Variants in LCOR observed in about 807,000 individuals in gnomAD.
The protein encoded by LCOR is ligand dependent nuclear receptor corepressor, also known as ligand-dependent corepressor.
In LCOR, 14 loss-of-function variants were observed where a neutral mutation model predicts 64.4. The ratio of observed to expected loss-of-function variants is 0.22; its 90% CI spans 0.14 to 0.34. LCOR has a LOEUF of 0.34. Among genes scored for constraint, LCOR ranks in the 10% least tolerant of loss-of-function variants. The pLI is 1.00. For synonymous variants in LCOR, 643 were observed against 642.5 expected (o/e 1.00, Z -0.01); for missense variants, 1,686 against 1,765.3 (o/e 0.96, Z 0.80).
At chr10:96,911,257 C>G (rs543023974) in intron 4 of LCOR, among the ~76,000 whole-genome samples, 1 of 151,934 alleles carries the variant, frequency 6.6e-6, no homozygotes, top group Non-Finnish European at 1.5e-5. Context: ...ACCAACACGC[C>G]CAGCTAAGTT....
intron 4 of LCOR, among the ~76,000 whole-genome samples, chr10:96,926,347 A>G (rs1359747931): frequency 1.3e-5 from 2 of 152,218 alleles, no homozygotes; most frequent in Non-Finnish European, 2.9e-5. Flanking sequence ...TAAAATACAT[A>G]GGTTTTCAAC....
chr10:96,853,935 C>A (rs893846828), intron 2 of LCOR, among the ~76,000 whole-genome samples: 3 of 152,058 alleles, frequency 2.0e-5, no homozygotes, highest in Non-Finnish European at 4.4e-5. Flanking sequence ...TTATAAGACT[C>A]CCCCATTATT....
At chr10:96,925,036 ATTTATTTATTTATTTAT>A (rs1847143549) in intron 4 of LCOR, among the ~76,000 whole-genome samples, 1 of 151,446 alleles carries the variant, frequency 6.6e-6, no homozygotes, top group Non-Finnish European at 1.5e-5. Flanking sequence ...TTCCTCAACC[ATTTATTTATTTATTTAT>A]TTTATTTATT....
intron 4 of LCOR, among the ~76,000 whole-genome samples, chr10:96,932,172 T>C (rs1354757605): frequency 2.0e-5 from 3 of 152,202 alleles, no homozygotes; most frequent in Admixed American, 6.5e-5. Flanking sequence ...TTTAAAAATA[T>C]GCCACTGACG....
chr10:96,896,988 G>A (rs1846548019), intron 2 of LCOR, among the ~76,000 whole-genome samples: 1 of 150,622 alleles, frequency 6.6e-6, no homozygotes, highest in Non-Finnish European at 1.5e-5. Flanking sequence ...TTTACCTAAA[G>A]TGAAGGAAAT....
chr10:96,944,757 C>T (rs1847557688), intron 5 of LCOR, among the ~76,000 whole-genome samples: 1 of 151,818 alleles, frequency 6.6e-6, no homozygotes, highest in Non-Finnish European at 1.5e-5. Context: ...TAAAACTTTT[C>T]CCCCTGCATT....
At chr10:96,859,333 C>T (rs1309403793) in intron 2 of LCOR, among the ~76,000 whole-genome samples, 2 of 151,962 alleles carry the variant, frequency 1.3e-5, no homozygotes, top group Non-Finnish European at 2.9e-5. Flanking sequence ...CCTCAGCCTC[C>T]CAAGTAGCTG....
At chr10:96,857,782 G>A (rs1845829622) in intron 2 of LCOR, among the ~76,000 whole-genome samples, 2 of 152,172 alleles carry the variant, frequency 1.3e-5, no homozygotes, top group African/African-American at 4.8e-5. Flanking sequence ...TGGACACACT[G>A]AAGTTTGGAA....
chr10:96,917,028 A>G (rs1846963678), intron 4 of LCOR, among the ~76,000 whole-genome samples: 1 of 152,224 alleles, frequency 6.6e-6, no homozygotes, highest in African/African-American at 2.4e-5. Context: ...ACCTTGTTAA[A>G]TTTCCAGAGA....
intron 2 of LCOR, among the ~76,000 whole-genome samples, chr10:96,849,061 C>CTTTTTTTTTT (rs67974828): frequency 3.0e-5 from 1 of 33,838 alleles, no homozygotes; most frequent in Non-Finnish European, 5.4e-5. Context: ...GGCTAATTGT[C>CTTTTTTTTTT]TTTTTTTTTT....
chr10:96,886,498 T>C (rs1412166753), intron 2 of LCOR, among the ~76,000 whole-genome samples: 1 of 152,242 alleles, frequency 6.6e-6, no homozygotes, highest in African/African-American at 2.4e-5. Context: ...GTTTATAATA[T>C]TATTCCCAAA....
At chr10:96,877,577 G>A (rs1846189284) in intron 2 of LCOR, among the ~76,000 whole-genome samples, 2 of 149,706 alleles carry the variant, frequency 1.3e-5, no homozygotes, top group Non-Finnish European at 3.0e-5. Flanking sequence ...AGATTGCAAG[G>A]GTGTCAACTC....
intron 2 of LCOR, among the ~76,000 whole-genome samples, chr10:96,887,346 T>C (rs1342976712): frequency 1.3e-5 from 2 of 152,072 alleles, no homozygotes; most frequent in Non-Finnish European, 2.9e-5. Flanking sequence ...GGTGGGTGGA[T>C]CACGAGGTCA....
chr10:96,943,503 A>G (rs556058560), intron 4 of LCOR, among the ~76,000 whole-genome samples: 19 of 152,202 alleles, frequency 1.2e-4, no homozygotes, highest in Non-Finnish European at 2.8e-4. Flanking sequence ...TTTTCAGTTC[A>G]TTTTGCTAAT....
chr10:96,944,337 A>G (rs1847550139), intron 5 of LCOR, 92 bp downstream of exon 5: 1 of 698,880 alleles, frequency 1.4e-6, no homozygotes, highest in African/African-American at 1.9e-5. Context: ...TACTCTTAAA[A>G]ACATTTTTCT....
chr10:96,931,042 A>G (rs1332988359), intron 4 of LCOR, among the ~76,000 whole-genome samples: 2 of 152,146 alleles, frequency 1.3e-5, no homozygotes, highest in Non-Finnish European at 1.5e-5. Context: ...TAGAAAACAT[A>G]ATAAAGGCTC....
intron 2 of LCOR, among the ~76,000 whole-genome samples, chr10:96,839,940 C>G (rs1405727893): frequency 1.3e-5 from 2 of 152,226 alleles, no homozygotes; most frequent in Admixed American, 6.5e-5. Context: ...CTTGGCCTCC[C>G]AGAGTGCTGG....
At chr10:96,836,751 A>G (rs1318647049) in intron 2 of LCOR, among the ~76,000 whole-genome samples, 2 of 152,228 alleles carry the variant, frequency 1.3e-5, no homozygotes, top group African/African-American at 4.8e-5. Flanking sequence ...TGGCATGAGC[A>G]AAAGTGGAGA....
intron 7 of LCOR, among the ~76,000 whole-genome samples, chr10:96,967,770 TATG>T (rs1215155403): frequency 6.6e-6 from 1 of 152,200 alleles, no homozygotes; most frequent in Non-Finnish European, 1.5e-5. Flanking sequence ...AAGTTTTTGT[TATG>T]AAGTGTGTAT....
Sources: gnomAD v4.1 joint callset for allele counts (sites outside exome capture counted in the v4.1 genomes callset) on GRCh38, gnomAD v4.1.1 for gene constraint, MANE v1.5 for transcripts, NCBI Gene and HGNC (gene_info 2026-07-23, HGNC 2026-07-21) for gene names.